Variants in OTX1 observed in about 807,000 individuals in gnomAD.
The protein encoded by OTX1 is homeobox protein OTX1.
Under a neutral mutation model 26.7 loss-of-function variants are expected in OTX1, and 7 were observed. That is an observed-to-expected ratio of 0.26 (90% CI 0.15 to 0.49). The LOEUF is 0.49. OTX1 is among the 20% of genes least tolerant of loss of function. OTX1 has a pLI of 0.98. For synonymous variants in OTX1, 216 were observed against 212.8 expected, an observed-to-expected ratio of 1.01 and a Z score of -0.13; for missense variants, 414 against 483.8, an observed-to-expected ratio of 0.86 and a Z score of 1.35.
intron 3 of OTX1, 145 bp downstream of exon 3, chr2:63,053,232 G>A (rs1361025282): frequency 2.9e-5 from 16 of 557,566 alleles, no homozygotes; most frequent in Non-Finnish European, 4.9e-5. Flanking sequence ...ACAATACAGG[G>A]CCCACTGCCG....
chr2:63,056,339 G>A lies in OTX1; in HGVS notation c.*23G>A. ...TGAGCCCAGGAATGAAAGAGGAGAA[G>A]AAACGCAACTACCTGCGCCCTCCGT... On this transcript the variant is annotated 3_prime_UTR_variant, in exon 5 of 5. Coordinates refer to ENST00000282549, the MANE Select transcript of OTX1 (RefSeq NM_014562.4). 1 of 1,584,556 alleles carries A rather than the reference G, an allele frequency of 6.3e-7. No individual in the cohort carries two copies. The highest frequency in any genetic ancestry group is 1.3e-5 in the African/African-American group (1 of 74,204).
intron 3 of OTX1, 62 bp from the exon 4 acceptor site, chr2:63,053,985 G>A (rs1285004234): frequency 6.4e-7 from 1 of 1,572,230 alleles, no homozygotes; most frequent in Admixed American, 1.8e-5. Context: ...GCCTGCCCGA[G>A]TCCTCTATCG....
Position 63,056,985 on chromosome 2 carries a change from G to C in OTX1, c.*669G>C, listed in dbSNP as rs2062073237. ...ATCCCGCCCCGCCCTGCGCTGGACT[G>C]GTTCAAGCTTCCGCCTCGGCGGGAA... On this transcript the variant is annotated 3_prime_UTR_variant, in exon 5 of 5. Transcript: ENST00000282549. 1 of 152,358 alleles carries C rather than the reference G, an allele frequency of 6.6e-6. No individual in the cohort carries two copies. Among genetic ancestry groups the C allele is most frequent in the Non-Finnish European group, 1.5e-5 (1 of 68,182 alleles). The allele number at this position is 152,358 out of a possible 1,614,324, so 9.4% of individuals were successfully genotyped here.
chr2:63,053,524 TAATTA>T (rs1328611144), intron 3 of OTX1: 2 of 178,696 alleles, frequency 1.1e-5, no homozygotes, highest in African/African-American at 2.4e-5. Context: ...TCTTCCTCCC[TAATTA>T]AATTGTCCTC....
rs1478855944 is a variant in OTX1 at position 63,052,973 on chromosome 2, C to T, written c.-18C>T. 1.3e-6 allele frequency: 2 copies of T among 1,593,664 alleles called. No homozygotes were observed. The highest frequency in any genetic ancestry group is 1.3e-5 in the African/African-American group (1 of 74,270). ...GGGCCCCCTGGATCCGTCGGGGCGC[C>T]TCCACCCAGCTGTTAGCATGATGTC... On this transcript the variant is annotated 5_prime_UTR_variant, in exon 3 of 5. Coordinates refer to ENST00000282549, the MANE Select transcript of OTX1 (RefSeq NM_014562.4).
At position 63,052,963 on chromosome 2, in the gene OTX1, G is replaced by A. The variant is rs368588963; in HGVS notation, c.-28G>A. On this transcript the variant is annotated 5_prime_UTR_variant, in exon 3 of 5. Transcript: ENST00000282549. Reference sequence around the variant, plus strand: ...TCCTGGCCCCGGGCCCCCTGGATCCGTCGGGGCGCCTCCACCCAGCTGTTA... The same window carrying A: ...TCCTGGCCCCGGGCCCCCTGGATCCATCGGGGCGCCTCCACCCAGCTGTTA... The A allele has an allele frequency of 1.3e-6, 2 of 1,552,370 alleles. No homozygotes were observed. Among genetic ancestry groups the A allele is most frequent in the Non-Finnish European group, 1.8e-6 (2 of 1,128,360 alleles).
chr2:63,050,837 C>T lies in OTX1; in HGVS notation c.-241C>T, dbSNP rs1026127572. 1.3e-5 allele frequency: 2 copies of T among 152,272 alleles called. No individual in the cohort carries two copies. The highest frequency in any genetic ancestry group is 2.9e-5 in the Non-Finnish European group (2 of 68,072). 9.4% of individuals were successfully genotyped at this position (152,272 alleles called of 1,614,324 possible). On this transcript the variant is annotated 5_prime_UTR_variant, in exon 1 of 5. Coordinates refer to ENST00000282549, the MANE Select transcript of OTX1 (RefSeq NM_014562.4). ...GGAGGGCAGTAGAAAGGTGATCAAT[C>T]TTCATCAGGCTACATTTCCAATCAC...
At chr2:63,053,968 G>T in intron 3 of OTX1, 79 bp from the exon 4 acceptor site, 1 of 1,512,172 alleles carries the variant, frequency 6.6e-7, no homozygotes, top group Non-Finnish European at 8.9e-7. Flanking sequence ...ATCTGGGCCT[G>T]CCAGGGGCCT....
chr2:63,054,951 C>A (rs1188385768), intron 4 of OTX1, among the ~76,000 whole-genome samples: 2 of 152,206 alleles, frequency 1.3e-5, no homozygotes, highest in Non-Finnish European at 2.9e-5. Context: ...TCAAGTACTA[C>A]CTCTGTTTAG....
In OTX1 at chr2:63,057,821, A is replaced by C. The variant is rs2062079286; in HGVS notation, c.*1505A>C. 6.6e-6 allele frequency: 1 copy of C among 151,918 alleles called. No homozygotes were observed. The highest frequency in any genetic ancestry group is 1.5e-5 in the Non-Finnish European group (1 of 68,008). 9.4% of individuals were successfully genotyped at this position (151,918 alleles called of 1,614,324 possible). ...TACATTACTTCCCGAAAATAAATGCAAATTAATGAACGGCTTGTCAGTGTT... is the reference window on the plus strand; with the variant it reads ...TACATTACTTCCCGAAAATAAATGCCAATTAATGAACGGCTTGTCAGTGTT... On this transcript the variant is annotated 3_prime_UTR_variant, in exon 5 of 5. Transcript: ENST00000282549.
At position 63,057,130 on chromosome 2, in the gene OTX1, C is replaced by CACATATATATATATAT. The variant is rs1404471899; in HGVS notation, c.*828_*843dup. 2.0e-5 allele frequency: 3 copies of CACATATATATATATAT among 151,042 alleles called. No homozygotes were observed. The highest frequency in any genetic ancestry group is 2.9e-5 in the Non-Finnish European group (2 of 67,870). The allele number at this position is 151,042 out of a possible 1,614,324, so 9.4% of individuals were successfully genotyped here. On this transcript the variant is annotated 3_prime_UTR_variant, in exon 5 of 5. Transcript: ENST00000282549. ...AAACAGAACTTTAAGATATATACAG[C>CACATATATATATATAT]ACATATATATATATATACATATATA...
At chr2:63,054,725 G>GT (rs1331334389) in intron 4 of OTX1, among the ~76,000 whole-genome samples, 1 of 152,204 alleles carries the variant, frequency 6.6e-6, no homozygotes, top group Non-Finnish European at 1.5e-5. Context: ...TCTTATTTCT[G>GT]TTTTTGAGAT....
rs771972712 is a variant in OTX1 at position 63,055,691 on chromosome 2, C to T, written c.440C>T (p.Ala147Val). ...TCTAGCTCGGCGTCCAGCTCTTCCG[C>T]CAACCCAGCGGCTGCAGCGGCTGCG... ...SSSSSASSSS[A>V]NPAAAAAAGL... Residue 147 changes from alanine (A) to valine (V), a missense_variant, in exon 5 of 5, where the codon GCC becomes GTC. This residue lies in a region of OTX1 where 320 missense variants were observed against 347.9 expected (regional missense o/e 0.92). Transcript: ENST00000282549. The surrounding 1 kb of genome is among the most constrained non-coding windows in gnomAD (Gnocchi z 5.2). 2 of 1,613,748 alleles carry T rather than the reference C, an allele frequency of 1.2e-6. No individual in the cohort carries two copies. Among genetic ancestry groups the T allele is most frequent in the Non-Finnish European group, 1.7e-6 (2 of 1,179,950 alleles).
Position 63,055,580 on chromosome 2 carries a change from A to G in OTX1, c.329A>G (p.Lys110Arg). The change falls in exon 5 of 5, where the codon AAG becomes AGG. Residue 110 changes from lysine to arginine, a missense_variant. This residue lies in a region of OTX1 where 320 missense variants were observed against 347.9 expected (regional missense o/e 0.92). Transcript: ENST00000282549. The surrounding 1 kb of genome is among the most constrained non-coding windows in gnomAD (Gnocchi z 5.2). ...GGAACCAAGAGCCGCCCAGCCAAGA[A>G]GAAGTCCTCTCCAGTGCGGGAGAGC... ...GSGTKSRPAK[K>R]KSSPVRESSG... is the part of the protein sequence containing the mutation. 1 of 1,614,180 alleles carries G rather than the reference A, an allele frequency of 6.2e-7. No homozygotes were observed. The highest frequency in any genetic ancestry group is 8.5e-7 in the Non-Finnish European group (1 of 1,180,042).
At chr2:63,053,247 A>G (rs965881864) in intron 3 of OTX1, 160 bp downstream of exon 3, 1 of 536,316 alleles carries the variant, frequency 1.9e-6, no homozygotes, top group Non-Finnish European at 3.2e-6. Context: ...CTGCCGGCGC[A>G]TGGGGCAGAG....
chr2:63,056,580 T>A lies in OTX1; in HGVS notation c.*264T>A, dbSNP rs760658342. Reference sequence around the variant, plus strand: ...CATTCTATACAGGAGAGATGTATTATTTCCCCCCTTCAGCCCCTACTAAAC... The same window carrying A: ...CATTCTATACAGGAGAGATGTATTAATTCCCCCCTTCAGCCCCTACTAAAC... On this transcript the variant is annotated 3_prime_UTR_variant, in exon 5 of 5. Transcript: ENST00000282549. 13 of 536,290 alleles carry A rather than the reference T, an allele frequency of 2.4e-5. No individual in the cohort carries two copies. In the East Asian group the frequency reaches 4.0e-4, roughly 16 times the overall value. 33.2% of individuals were successfully genotyped at this position (536,290 alleles called of 1,614,324 possible).
chr2:63,054,004 C>T (rs776083404), intron 3 of OTX1, 43 bp from the exon 4 acceptor site: 15 of 1,598,518 alleles, frequency 9.4e-6, no homozygotes, highest in Non-Finnish European at 1.1e-5. Context: ...CGCGGGTCCA[C>T]GTGGCCACCA....
rs1346224701 is a variant in OTX1 at position 63,055,475 on chromosome 2, A to T, written c.250-26A>T. 1.9e-6 allele frequency: 3 copies of T among 1,598,082 alleles called. No homozygotes were observed. In the South Asian group the frequency reaches 3.4e-5, roughly 18 times the overall value. ...AAGCTCCCCTAGCTCCCTTTGACCC[A>T]CTCTCCCCCATCCGGCCCACTGCAG... On this transcript the variant is annotated intron_variant, in intron 4 of 4. Transcript: ENST00000282549. The surrounding 1 kb of genome is among the most constrained non-coding windows in gnomAD (Gnocchi z 5.2).
rs367678506 is a variant in OTX1, at chr2:63,055,478, C to G, written c.250-23C>G. ...CTCCCCTAGCTCCCTTTGACCCACT[C>G]TCCCCCATCCGGCCCACTGCAGGTC... On this transcript the variant is annotated intron_variant, in intron 4 of 4. Transcript: ENST00000282549. The surrounding 1 kb of genome is among the most constrained non-coding windows in gnomAD (Gnocchi z 5.2). 6.6e-5 allele frequency: 105 copies of G among 1,600,728 alleles called. No homozygotes were observed. Among genetic ancestry groups the G allele is most frequent in the Non-Finnish European group, 8.6e-5 (101 of 1,172,396 alleles).
Sources: gnomAD v4.1 joint callset for allele counts (sites outside exome capture counted in the v4.1 genomes callset) on GRCh38, gnomAD v4.1.1 for gene constraint, gnomAD v4.1.1 regional missense constraint, Gnocchi (gnomAD v3.1) non-coding constraint, MANE v1.5 for transcripts, NCBI Gene and HGNC (gene_info 2026-07-23, HGNC 2026-07-21) for gene names.